The following SERPINA10 variants were observed in gnomAD, a reference collection of about 807,000 sequenced individuals.
The protein encoded by SERPINA10 is serpin family A member 10.
Under a neutral mutation model 28.0 loss-of-function variants are expected in SERPINA10, and 24 were observed. The observed-to-expected ratio is 0.86, with a 90% confidence interval of 0.62 to 1.20. The LOEUF is 1.20. Ranked by LOEUF, SERPINA10 falls within the 50% of genes most tolerant of loss-of-function variation. The probability of loss-of-function intolerance (pLI) is 0.00; values close to 1 mark genes in which losing one functional copy is unlikely to be tolerated. For missense variants in SERPINA10, 521 were observed against 537.7 expected (o/e 0.97, Z 0.31); for synonymous variants, 207 against 203.9 (o/e 1.02, Z -0.13).
chr14:94,292,409 C>T (rs916770647), intron 1 of SERPINA10, among the ~76,000 whole-genome samples: 4 of 152,080 alleles, frequency 2.6e-5, no homozygotes, highest in African/African-American at 7.2e-5. Flanking sequence ...AAATCAATGG[C>T]TGTTGGAGCC....
In SERPINA10 at chr14:94,288,557, T is replaced by C. The variant is rs1235326507; in HGVS notation, c.721A>G (p.Lys241Glu). 2 of 1,614,202 alleles carry C rather than the reference T, an allele frequency of 1.2e-6. No homozygotes were observed. The highest frequency in any genetic ancestry group is 2.2e-5 in the East Asian group (1 of 44,884). ...ILVDYILFKG[K>E]WLTPFDPVFT... Reference sequence around the variant, plus strand: ...ACAGGGTCAAATGGGGTCAACCATTTCCCTGAACAAGTAAGAGAAGAACTC... The same window carrying C: ...ACAGGGTCAAATGGGGTCAACCATTCCCCTGAACAAGTAAGAGAAGAACTC... The change falls in exon 3 of 5, where the codon AAA becomes GAA. Residue 241 changes from lysine (K) to glutamate (E), a missense_variant and splice_region_variant. Coordinates refer to ENST00000261994, the MANE Select transcript of SERPINA10 (RefSeq NM_001100607.3).
At chr14:94,285,445 C>G (rs1406511150) in intron 4 of SERPINA10, among the ~76,000 whole-genome samples, 1 of 150,796 alleles carries the variant, frequency 6.6e-6, no homozygotes, top group Non-Finnish European at 1.5e-5. Context: ...ACAGGACTCT[C>G]TCTCTCTCTC....
At chr14:94,285,687 GAGGGCTATTTCGT>G (rs1164064733) in intron 4 of SERPINA10, among the ~76,000 whole-genome samples, 1 of 152,042 alleles carries the variant, frequency 6.6e-6, no homozygotes, top group Non-Finnish European at 1.5e-5. Context: ...AGAGAAGTTG[GAGGGCTATTTCGT>G]AGGGCTATGG....
chr14:94,288,155 C>A, intron 3 of SERPINA10, 131 bp downstream of exon 3: 1 of 1,254,752 alleles, frequency 8.0e-7, no homozygotes, highest in Admixed American at 1.8e-5. Context: ...AAGACAAATG[C>A]TGCCCTGCCT....
At chr14:94,293,049 T>A (rs1895219954) in intron 1 of SERPINA10, 140 bp downstream of exon 1, 1 of 240,962 alleles carries the variant, frequency 4.2e-6, no homozygotes, top group African/African-American at 2.2e-5. Flanking sequence ...GTACAGTCCC[T>A]GTGGAGTGTA....
intron 1 of SERPINA10, chr14:94,292,585 C>T (rs1430788559): frequency 2.9e-6 from 2 of 701,632 alleles, no homozygotes; most frequent in Non-Finnish European, 5.2e-6. Flanking sequence ...CTAGATGTCA[C>T]CACCTCCAAA....
intron 1 of SERPINA10, chr14:94,292,814 G>A: frequency 1.6e-6 from 1 of 623,990 alleles, no homozygotes; most frequent in Admixed American, 2.4e-5. Flanking sequence ...ACAGAACCTG[G>A]GCAGTAAGGA....
In SERPINA10 at chr14:94,286,870, A is replaced by C. The variant is rs532992971; in HGVS notation, c.993-612T>G. Among the ~76,000 whole-genome samples, 3 of 152,348 alleles carry C rather than the reference A, an allele frequency of 2.0e-5. No homozygotes were observed. The South Asian group carries it at 6.2e-4, about 32-fold the overall frequency. On this transcript the variant is annotated intron_variant, in intron 3 of 4. Coordinates refer to ENST00000261994, the MANE Select transcript of SERPINA10 (RefSeq NM_001100607.3). ...TTCAGCAAACATTACTTGAGGGCTT[A>C]TGATGTTTGGGGTTCATTGTTAGGT...
rs973462580 is a variant in SERPINA10 at position 94,293,099 on chromosome 14, C to T, written c.-51+90G>A. On this transcript the variant is annotated intron_variant, in intron 1 of 4. Transcript: ENST00000261994. The stretch of plus-strand genomic sequence containing the variant: ...GCACTGCTCAGCCACACAGCCCTCA[C>T]GTTGGAGCCCGCCCAGGGATGATAC... The T allele has an allele frequency of 9.1e-5, 16 of 176,394 alleles. No homozygotes were observed. The South Asian group carries it at 1.5e-3, about 16-fold the overall frequency. The allele number at this position is 176,394 out of a possible 1,614,324, so 10.9% of individuals were successfully genotyped here.
In SERPINA10 at chr14:94,283,917, T is replaced by C. The variant is rs1186870468; in HGVS notation, c.*48A>G. On this transcript the variant is annotated 3_prime_UTR_variant, in exon 5 of 5. Coordinates refer to ENST00000261994, the MANE Select transcript of SERPINA10 (RefSeq NM_001100607.3). Reference sequence around the variant, plus strand: ...TGGTATCCTGTGTGTGTTTGATACCTCAGATTCAGCATCTACTACAGCACG... The same window carrying C: ...TGGTATCCTGTGTGTGTTTGATACCCCAGATTCAGCATCTACTACAGCACG... 6.3e-7 allele frequency: 1 copy of C among 1,578,298 alleles called. No homozygotes were observed. Among genetic ancestry groups the C allele is most frequent in the Non-Finnish European group, 8.7e-7 (1 of 1,147,698 alleles).
rs745558113 is a variant in SERPINA10 at position 94,290,635 on chromosome 14, C to T, written c.-42G>A. 3.9e-5 allele frequency: 63 copies of T among 1,608,778 alleles called. No individual in the cohort carries two copies. In the Middle Eastern group the frequency reaches 6.7e-4, roughly 17 times the overall value. On this transcript the variant is annotated 5_prime_UTR_variant, in exon 2 of 5. Transcript: ENST00000261994. Reference sequence around the variant, plus strand: ...GCCAAGGAGTGCCTCCCTTCAGCTGCAAGACTTCCTGTGGAGAGGAGAGGA... The same window carrying T: ...GCCAAGGAGTGCCTCCCTTCAGCTGTAAGACTTCCTGTGGAGAGGAGAGGA...
At chr14:94,289,774 G>GA (rs749761715) in intron 2 of SERPINA10, 102 bp downstream of exon 2, 15 of 1,282,410 alleles carry the variant, frequency 1.2e-5, no homozygotes, top group Non-Finnish European at 1.5e-5. Context: ...CACATTCATA[G>GA]AAAATCACGT....
At position 94,283,143 on chromosome 14, in the gene SERPINA10, A is replaced by T. The variant is rs921869016; in HGVS notation, c.*822T>A. 2 of 152,224 alleles carry T rather than the reference A, an allele frequency of 1.3e-5. No individual in the cohort carries two copies. The highest frequency in any genetic ancestry group is 2.4e-5 in the African/African-American group (1 of 41,456). The allele number at this position is 152,224 out of a possible 1,614,324, so 9.4% of individuals were successfully genotyped here. A position where few individuals can be genotyped will look rare whatever the true frequency, so the allele number is the denominator to read the frequency against. ...CACATGACTCAAGGAGAATGTTTAC[A>T]TGTGTTCCTCCCAAAGGCTTTATCT... On this transcript the variant is annotated 3_prime_UTR_variant, in exon 5 of 5. Coordinates refer to ENST00000261994, the MANE Select transcript of SERPINA10 (RefSeq NM_001100607.3).
chr14:94,285,440 ACT>A (rs56382462), intron 4 of SERPINA10, among the ~76,000 whole-genome samples: 35,182 of 143,566 alleles, frequency 0.25, 4,928 homozygotes, highest in East Asian at 0.59. Context: ...AAGTTACAGG[ACT>A]CTCTCTCTCT....
At position 94,290,640 on chromosome 14, in the gene SERPINA10, C is replaced by A; in HGVS notation, c.-47G>T. 2 of 1,607,438 alleles carry A rather than the reference C, an allele frequency of 1.2e-6. No individual in the cohort carries two copies. On this transcript the variant is annotated 5_prime_UTR_variant, in exon 2 of 5. Transcript: ENST00000261994. ...GGAGTGCCTCCCTTCAGCTGCAAGA[C>A]TTCCTGTGGAGAGGAGAGGATAGAG...
rs1217496157 is a variant in SERPINA10, at chr14:94,280,716, A to G, written c.*3249T>C. 1 of 152,200 alleles carries G rather than the reference A, an allele frequency of 6.6e-6. No homozygotes were observed. The highest frequency in any genetic ancestry group is 1.5e-5 in the Non-Finnish European group (1 of 68,018). The allele number at this position is 152,200 out of a possible 1,614,324, so 9.4% of individuals were successfully genotyped here. A position where few individuals can be genotyped will look rare whatever the true frequency, so the allele number is the denominator to read the frequency against. On this transcript the variant is annotated 3_prime_UTR_variant, in exon 5 of 5. Coordinates refer to ENST00000261994, the MANE Select transcript of SERPINA10 (RefSeq NM_001100607.3). The stretch of plus-strand genomic sequence containing the variant: ...GGACATCTTCATCATCATTTTGTTA[A>G]TTACTAAAACTTGCATTTTTAAGAA...
Position 94,290,229 on chromosome 14 carries a change from G to T in SERPINA10, c.365C>A (p.Thr122Asn). The T allele has an allele frequency of 6.2e-7, 1 of 1,613,556 alleles. No individual in the cohort carries two copies. Reference sequence around the variant, plus strand: ...CAAGTGGAGCCCTCTCTTGATCTGGGTTTCAGTCGGCCCTGTGGCCCCCAG... The same window carrying T: ...CAAGTGGAGCCCTCTCTTGATCTGGTTTTCAGTCGGCCCTGTGGCCCCCAG... ...LMLGATGPTE[T>N]QIKRGLHLQA... is the part of the protein sequence containing the mutation. Residue 122 changes from threonine to asparagine, a missense_variant, in exon 2 of 5, where the codon ACC becomes AAC. Transcript: ENST00000261994.
intron 4 of SERPINA10, 65 bp downstream of exon 4, chr14:94,286,043 T>A: frequency 3.2e-6 from 5 of 1,586,240 alleles, no homozygotes; most frequent in Non-Finnish European, 4.3e-6. Flanking sequence ...AAATGGTTTG[T>A]AAAAGCATTT....
intron 1 of SERPINA10, 111 bp from the exon 2 acceptor site, chr14:94,290,754 C>T (rs1895154837): frequency 8.0e-7 from 1 of 1,244,254 alleles, no homozygotes. Flanking sequence ...AGTAGGTTAG[C>T]CCTGCCCCAG....
Sources: gnomAD v4.1 joint callset for allele counts (sites outside exome capture counted in the v4.1 genomes callset) on GRCh38, gnomAD v4.1.1 for gene constraint, MANE v1.5 for transcripts, NCBI Gene and HGNC (gene_info 2026-07-23, HGNC 2026-07-21) for gene names.